The following ZIC4 variants were observed in gnomAD, a reference collection of about 807,000 sequenced individuals.
The protein encoded by ZIC4 is Zic family zinc finger 4.
Under a neutral mutation model 28.8 loss-of-function variants are expected in ZIC4, and 15 were observed. The ratio of observed to expected loss-of-function variants is 0.52; its 90% CI spans 0.35 to 0.80. The LOEUF (loss-of-function observed/expected upper bound fraction) is 0.80. ZIC4 is among the 30% of genes least tolerant of loss of function. The probability of loss-of-function intolerance (pLI) is 0.01; values close to 1 mark genes in which losing one functional copy is unlikely to be tolerated. For missense variants in ZIC4, 512 were observed against 467.1 expected (o/e 1.10, Z -0.89); for synonymous variants, 220 against 198.1 (o/e 1.11, Z -0.93).
chr3:147,402,654 A>AC, intron 2 of ZIC4, 74 bp downstream of exon 2: 1 of 1,369,084 alleles, frequency 7.3e-7, no homozygotes, highest in Non-Finnish European at 1.0e-6. Context: ...AAAACTTCCT[A>AC]CTTAAAAAAA....
rs947212101 is a variant in ZIC4 at position 147,387,845 on chromosome 3, T to G, written c.*1014A>C. On this transcript the variant is annotated 3_prime_UTR_variant, in exon 5 of 5. Coordinates refer to ENST00000383075, the MANE Select transcript of ZIC4 (RefSeq NM_032153.6). ...CTGAACTCCTCAGACTCCCCCAGGG[T>G]GGCTCCCTTCCCCCCAAGTCGCCAT... 1 of 152,358 alleles carries G rather than the reference T, an allele frequency of 6.6e-6. No homozygotes were observed. The highest frequency in any genetic ancestry group is 2.4e-5 in the African/African-American group (1 of 41,414). The allele number at this position is 152,358 out of a possible 1,614,324, so 9.4% of individuals were successfully genotyped here. A position where few individuals can be genotyped will look rare whatever the true frequency, so the allele number is the denominator to read the frequency against.
intron 3 of ZIC4, chr3:147,392,960 A>G (rs2086957219): frequency 6.6e-6 from 1 of 151,246 alleles, no homozygotes; most frequent in Admixed American, 6.6e-5. Context: ...CCCCATTTTT[A>G]TCTCCTCTGA....
chr3:147,396,484 A>G lies in ZIC4; in HGVS notation c.71-15T>C. On this transcript the variant is annotated splice_polypyrimidine_tract_variant and intron_variant, in intron 2 of 4. Coordinates refer to ENST00000383075, the MANE Select transcript of ZIC4 (RefSeq NM_032153.6). This position sits in a 1 kb window ranked among gnomAD's most constrained non-coding sequence, Gnocchi z 4.2. ...AGAGCTGCTACCTGTTGTCGAAACA[A>G]ATAGCGCGCATGAGAACGGGTGGCG... 2 of 1,504,482 alleles carry G rather than the reference A, an allele frequency of 1.3e-6. No homozygotes were observed. Among genetic ancestry groups the G allele is most frequent in the Non-Finnish European group, 1.8e-6 (2 of 1,131,426 alleles). The allele number at this position is 1,504,482 out of a possible 1,614,324, so 93.2% of individuals were successfully genotyped here.
intron 1 of ZIC4, chr3:147,403,839 A>C: frequency 1.0e-6 from 1 of 988,730 alleles, no homozygotes; most frequent in Non-Finnish European, 1.4e-6. Context: ...TCTATGCACA[A>C]AGATCTCTCT....
At chr3:147,400,186 AT>A (rs201974239) in intron 2 of ZIC4, among the ~76,000 whole-genome samples, 1 of 152,110 alleles carries the variant, frequency 6.6e-6, no homozygotes, top group Non-Finnish European at 1.5e-5. Flanking sequence ...ATAAAGAGGC[AT>A]TTTTTTCTCC....
chr3:147,392,033 G>T (rs2086934543), intron 3 of ZIC4: 1 of 985,552 alleles, frequency 1.0e-6, no homozygotes, highest in Non-Finnish European at 1.2e-6. Flanking sequence ...CGCTGCTCCA[G>T]AGGCTTCCTG....
Position 147,395,838 on chromosome 3 carries a change from C to A in ZIC4, c.688+14G>T, listed in dbSNP as rs1453492933. ...CAGAGGGTCCGCACGCGACAGACAG[C>A]GCCGAATACTGACCTGTGTGAGTTC... On this transcript the variant is annotated intron_variant, in intron 3 of 4. Coordinates refer to ENST00000383075, the MANE Select transcript of ZIC4 (RefSeq NM_032153.6). The A allele has an allele frequency of 1.3e-6, 2 of 1,597,900 alleles. No individual in the cohort carries two copies. The highest frequency in any genetic ancestry group is 1.7e-6 in the Non-Finnish European group (2 of 1,169,714).
chr3:147,396,342 C>T lies in ZIC4; in HGVS notation c.198G>A (p.Gly66=). 6.4e-7 allele frequency: 1 copy of T among 1,573,492 alleles called. No homozygotes were observed. The highest frequency in any genetic ancestry group is 1.2e-5 in the South Asian group (1 of 84,666). Residue 66 remains glycine, a synonymous_variant, in exon 3 of 5, where the codon GGG becomes GGA. Transcript: ENST00000383075. The surrounding 1 kb of genome is among the most constrained non-coding windows in gnomAD (Gnocchi z 4.2). ...GCCGCGCGTACATGTCTCCAGGGAG[C>T]CCCAGACGCAGGAGTCCATTCAAAG... ...SRPLNGLLRL[G]LPGDMYARPE... is the part of the protein sequence containing the mutation.
At chr3:147,393,177 CG>C (rs1329560249) in intron 3 of ZIC4, among the ~76,000 whole-genome samples, 5 of 151,586 alleles carry the variant, frequency 3.3e-5, no homozygotes, top group Non-Finnish European at 7.4e-5. Flanking sequence ...TATCCGATCT[CG>C]TGAGCGCCTC....
intron 3 of ZIC4, chr3:147,392,513 A>T (rs1053191575): frequency 1.1e-5 from 10 of 903,772 alleles, no homozygotes; most frequent in Non-Finnish European, 1.3e-5. Context: ...TGCTGCGGAA[A>T]TGGGGGAAGA....
chr3:147,403,366 C>G (rs1018138020), intron 1 of ZIC4, among the ~76,000 whole-genome samples: 1 of 152,072 alleles, frequency 6.6e-6, no homozygotes, highest in Non-Finnish European at 1.5e-5. Context: ...TACCCCAGAC[C>G]CATTTGGGAT....
intron 2 of ZIC4, among the ~76,000 whole-genome samples, chr3:147,399,959 C>T (rs1188577974): frequency 1.3e-5 from 2 of 152,290 alleles, no homozygotes; most frequent in South Asian, 2.1e-4. Context: ...AGCCACTGCA[C>T]CCGGCCAGAT....
chr3:147,405,254 TC>T, intron 1 of ZIC4: 1 of 938,258 alleles, frequency 1.1e-6, no homozygotes, highest in Non-Finnish European at 1.6e-6. Context: ...CATTTAGCCC[TC>T]CCTTTGAATC....
intron 3 of ZIC4, 116 bp downstream of exon 3, chr3:147,395,736 A>G (rs1236935311): frequency 6.8e-6 from 10 of 1,475,940 alleles, no homozygotes; most frequent in Admixed American, 2.3e-5. Context: ...GCCTTGGCTC[A>G]TGGAAACAAC....
In ZIC4 at chr3:147,386,337, T is replaced by G. The variant is rs910886150; in HGVS notation, c.*2522A>C. On this transcript the variant is annotated 3_prime_UTR_variant, in exon 5 of 5. Transcript: ENST00000383075. ...AGAGGGTACAAATAGTCTAAAGATTTCAGCCAGGCTTTTGTGTATATGTGA... is the reference window on the plus strand; with the variant it reads ...AGAGGGTACAAATAGTCTAAAGATTGCAGCCAGGCTTTTGTGTATATGTGA... 2.0e-5 allele frequency: 3 copies of G among 152,610 alleles called. No individual in the cohort carries two copies. The highest frequency in any genetic ancestry group is 6.5e-5 in the Admixed American group (1 of 15,292). 9.5% of individuals were successfully genotyped at this position (152,610 alleles called of 1,614,324 possible).
Position 147,396,277 on chromosome 3 carries a change from G to A in ZIC4, c.263C>T (p.Ala88Val). 1 of 1,610,138 alleles carries A rather than the reference G, an allele frequency of 6.2e-7. No individual in the cohort carries two copies. Among genetic ancestry groups the A allele is most frequent in the East Asian group, 2.2e-5 (1 of 44,738 alleles). Residue 88 changes from alanine to valine, a missense_variant, in exon 3 of 5, where the codon GCC becomes GTC. Transcript: ENST00000383075. This position sits in a 1 kb window ranked among gnomAD's most constrained non-coding sequence, Gnocchi z 4.2. Reference protein sequence around the residue: ...FPPGPAARSDALAAAAALHGY... With the variant: ...FPPGPAARSDVLAAAAALHGY... ...ATGCAGGGCTGCGGCAGCTGCCAGG[G>A]CGTCGCTGCGGGCCGCAGGCCCTGG...
chr3:147,392,352 G>A (rs1020046209), intron 3 of ZIC4: 8 of 985,448 alleles, frequency 8.1e-6, no homozygotes, highest in Admixed American at 6.1e-5. Context: ...GCCCTGTAGA[G>A]CCGAGGGAAG....
At position 147,388,635 on chromosome 3, in the gene ZIC4, C is replaced by T; in HGVS notation, c.*224G>A. 1.9e-6 allele frequency: 1 copy of T among 525,776 alleles called. No individual in the cohort carries two copies. The highest frequency in any genetic ancestry group is 3.4e-6 in the Non-Finnish European group (1 of 295,348). The allele number at this position is 525,776 out of a possible 1,614,324, so 32.6% of individuals were successfully genotyped here. A position where few individuals can be genotyped will look rare whatever the true frequency, so the allele number is the denominator to read the frequency against. ...TACACAAGAAAAAAGGTCTGTTAGA[C>T]GTAAATATTATGTCCTTAATGAAAA... On this transcript the variant is annotated 3_prime_UTR_variant, in exon 5 of 5. Transcript: ENST00000383075.
chr3:147,390,743 T>C (rs2107964136), intron 4 of ZIC4, among the ~76,000 whole-genome samples, 188 bp downstream of exon 4: 1 of 152,294 alleles, frequency 6.6e-6, no homozygotes, highest in South Asian at 2.1e-4. Flanking sequence ...CTTCCTTCCT[T>C]CCGCCCTCGC....
Sources: allele counts gnomAD v4.1 joint callset (sites outside exome capture counted in the v4.1 genomes callset), GRCh38; gene constraint gnomAD v4.1.1; non-coding constraint Gnocchi (gnomAD v3.1); transcripts MANE v1.5; gene names NCBI Gene and HGNC (gene_info 2026-07-23, HGNC 2026-07-21).